MSH4: variants seen among roughly 807,000 people sequenced by gnomAD.
The protein encoded by MSH4 is mutS homolog 4.
In MSH4, 106 loss-of-function variants were observed where a neutral mutation model predicts 113.7. The ratio of observed to expected loss-of-function variants is 0.93; its 90% CI spans 0.80 to 1.10. The LOEUF (loss-of-function observed/expected upper bound fraction) is 1.10. MSH4 is among the 50% of genes least tolerant of loss of function. MSH4 has a pLI of 0.00. For missense variants in MSH4, 1,061 were observed against 1,093.7 expected, an observed-to-expected ratio of 0.97 and a Z score of 0.42; for synonymous variants, 368 against 380.2, an observed-to-expected ratio of 0.97 and a Z score of 0.37.
intron 7 of MSH4, among the ~76,000 whole-genome samples, chr1:75,831,987 G>A (rs970067633): frequency 2.0e-5 from 3 of 152,118 alleles, no homozygotes; most frequent in Non-Finnish European, 4.4e-5. Context: ...AAAAATCAAT[G>A]AATCAAGGAG....
At position 75,803,858 on chromosome 1, in the gene MSH4, T is replaced by G. The variant is rs752571842; in HGVS notation, c.372T>G (p.Thr124=). 3 of 1,597,818 alleles carry G rather than the reference T, an allele frequency of 1.9e-6. No individual in the cohort carries two copies. Among genetic ancestry groups the G allele is most frequent in the East Asian group, 4.6e-5 (2 of 43,822 alleles). Residue 124 remains threonine, a synonymous_variant, in exon 2 of 20, where the codon ACT becomes ACG. Transcript: ENST00000263187. ...AAACACTTAAAACTCCATTGTCTACTGGAAATCCTCAGAGATCAGGTTATA... is the reference window on the plus strand; with the variant it reads ...AAACACTTAAAACTCCATTGTCTACGGGAAATCCTCAGAGATCAGGTTATA... ...YPQTLKTPLS[T]GNPQRSGYKS...
At chr1:75,859,884 G>A (rs1651413747) in intron 8 of MSH4, among the ~76,000 whole-genome samples, 1 of 152,150 alleles carries the variant, frequency 6.6e-6, no homozygotes, top group Non-Finnish European at 1.5e-5. Context: ...CATTATTACT[G>A]TGCAGGAGTC....
Position 75,878,895 on chromosome 1 carries a change from A to T in MSH4, c.1541-97A>T, listed in dbSNP as rs1651871602. ...CCTCCTATTTATGTATAAAATAAGA[A>T]TTTAAAAACCATGTGACTCTTTAAA... On this transcript the variant is annotated intron_variant, in intron 11 of 19. Coordinates refer to ENST00000263187, the MANE Select transcript of MSH4 (RefSeq NM_002440.4). 21 of 1,100,380 alleles carry T rather than the reference A, an allele frequency of 1.9e-5. No homozygotes were observed. In the South Asian group the frequency reaches 3.3e-4, roughly 17 times the overall value. The allele number at this position is 1,100,380 out of a possible 1,614,324, so 68.2% of individuals were successfully genotyped here.
intron 9 of MSH4, among the ~76,000 whole-genome samples, chr1:75,873,748 T>TTATA (rs61020580): frequency 0.028 from 4,148 of 150,410 alleles, 137 homozygotes; most frequent in African/African-American, 0.075. Context: ...GATCTTGTTT[T>TTATA]TATATATATA....
At chr1:75,904,071 T>C (rs767441613) in intron 19 of MSH4, among the ~76,000 whole-genome samples, 2 of 152,210 alleles carry the variant, frequency 1.3e-5, no homozygotes, top group Non-Finnish European at 2.9e-5. Context: ...CGTTTTGTCA[T>C]AAAGGAATGT....
Position 75,878,446 on chromosome 1 carries a change from G to T in MSH4, c.1540+128G>T, listed in dbSNP as rs1651861505. 3 of 722,826 alleles carry T rather than the reference G, an allele frequency of 4.2e-6. No individual in the cohort carries two copies. In the South Asian group the frequency reaches 6.7e-5, roughly 16 times the overall value. 44.8% of individuals were successfully genotyped at this position (722,826 alleles called of 1,614,324 possible). A position where few individuals can be genotyped will look rare whatever the true frequency, so the allele number is the denominator to read the frequency against. On this transcript the variant is annotated intron_variant, in intron 11 of 19. Coordinates refer to ENST00000263187, the MANE Select transcript of MSH4 (RefSeq NM_002440.4). Reference sequence around the variant, plus strand: ...TTATTTTTCGTTACCAAAACATAAGGTTAGCATGTAGTGCCATTTAAGGAA... The same window carrying T: ...TTATTTTTCGTTACCAAAACATAAGTTTAGCATGTAGTGCCATTTAAGGAA...
In MSH4 at chr1:75,797,164, C is replaced by G. The variant is rs5745311; in HGVS notation, c.179C>G (p.Ala60Gly). The G allele has an allele frequency of 1.9e-6, 3 of 1,611,340 alleles. No homozygotes were observed. In the South Asian group the frequency reaches 3.3e-5, roughly 18 times the overall value. Residue 60 changes from alanine to glycine, a missense_variant, in exon 1 of 20, where the codon GCG becomes GGG. By Grantham distance (60) the Ala-to-Gly change is moderately conservative. Coordinates refer to ENST00000263187, the MANE Select transcript of MSH4 (RefSeq NM_002440.4). ...ASTCPGTSGA[A>G]GDRSSSSSSL... Reference sequence around the variant, plus strand: ...ACCTGTCCTGGCACGTCAGGAGCTGCGGGCGACCGGAGCAGCAGCAGCAGC... The same window carrying G: ...ACCTGTCCTGGCACGTCAGGAGCTGGGGGCGACCGGAGCAGCAGCAGCAGC...
At chr1:75,823,556 C>T (rs1050104065) in intron 7 of MSH4, among the ~76,000 whole-genome samples, 5 of 152,080 alleles carry the variant, frequency 3.3e-5, no homozygotes, top group Admixed American at 3.3e-4. Flanking sequence ...TTTGCTGCAC[C>T]TATCAACCCA....
intron 15 of MSH4, among the ~76,000 whole-genome samples, chr1:75,888,045 T>G (rs1652164679): frequency 6.7e-6 from 1 of 150,324 alleles, no homozygotes; most frequent in Non-Finnish European, 1.5e-5. Context: ...ATAAAATATC[T>G]AGTATGTCGA....
intron 7 of MSH4, among the ~76,000 whole-genome samples, chr1:75,842,656 C>T (rs1424141261): frequency 6.6e-6 from 1 of 152,120 alleles, no homozygotes; most frequent in Non-Finnish European, 1.5e-5. Flanking sequence ...GACAAGAGTG[C>T]GAGCCTTCTG....
chr1:75,868,729 G>A (rs1352228312), intron 9 of MSH4, among the ~76,000 whole-genome samples: 1 of 152,126 alleles, frequency 6.6e-6, no homozygotes, highest in African/African-American at 2.4e-5. Context: ...AGGTCTGATG[G>A]TTTTATAAAG....
At chr1:75,807,902 G>C (rs1050691698) in intron 3 of MSH4, among the ~76,000 whole-genome samples, 1 of 152,138 alleles carries the variant, frequency 6.6e-6, no homozygotes, top group African/African-American at 2.4e-5. Context: ...AGCAAATACA[G>C]AAATTGCATT....
intron 1 of MSH4, among the ~76,000 whole-genome samples, chr1:75,800,284 T>G (rs980457476): frequency 1.3e-5 from 2 of 152,182 alleles, no homozygotes; most frequent in African/African-American, 4.8e-5. Flanking sequence ...CACACCTTTG[T>G]AAATATTCTC....
chr1:75,835,984 G>C (rs1329118754), intron 7 of MSH4, among the ~76,000 whole-genome samples: 1 of 152,060 alleles, frequency 6.6e-6, no homozygotes, highest in East Asian at 1.9e-4. Context: ...GCCCACACCT[G>C]GACTCTTTTT....
In MSH4 at chr1:75,815,194, G is replaced by A. The variant is rs1451997811; in HGVS notation, c.815+58G>A. The A allele has an allele frequency of 1.4e-5, 13 of 913,490 alleles. No homozygotes were observed. In the Admixed American group the frequency reaches 3.3e-4, roughly 24 times the overall value. 56.6% of individuals were successfully genotyped at this position (913,490 alleles called of 1,614,324 possible). A position where few individuals can be genotyped will look rare whatever the true frequency, so the allele number is the denominator to read the frequency against. ...CCCACAGCTACCAATATCATATCAA[G>A]TAAGTTATAACTTAAGGAAAGTAAA... On this transcript the variant is annotated intron_variant, in intron 5 of 19. Coordinates refer to ENST00000263187, the MANE Select transcript of MSH4 (RefSeq NM_002440.4).
intron 7 of MSH4, among the ~76,000 whole-genome samples, chr1:75,825,821 A>G (rs1188178206): frequency 2.6e-5 from 4 of 152,248 alleles, no homozygotes; most frequent in Middle Eastern, 3.4e-3. Context: ...AGCCAACTTG[A>G]TTGTGGTGGA....
chr1:75,801,417 A>C (rs1235595667), intron 1 of MSH4, among the ~76,000 whole-genome samples: 1 of 151,844 alleles, frequency 6.6e-6, no homozygotes, highest in African/African-American at 2.4e-5. Flanking sequence ...ATACAAAAAA[A>C]AAATAGCCAG....
At position 75,848,303 on chromosome 1, in the gene MSH4, A is replaced by G. The variant is rs761383969; in HGVS notation, c.1230+27A>G. 26 of 1,395,920 alleles carry G rather than the reference A, an allele frequency of 1.9e-5. No homozygotes were observed. In the East Asian group the frequency reaches 5.7e-4, roughly 31 times the overall value. The allele number at this position is 1,395,920 out of a possible 1,614,324, so 86.5% of individuals were successfully genotyped here. The stretch of plus-strand genomic sequence containing the variant: ...TATGTTTTTGTATACATTTTGTATT[A>G]TATTATTATACATTATTTGATGGAA... On this transcript the variant is annotated intron_variant, in intron 8 of 19. Coordinates refer to ENST00000263187, the MANE Select transcript of MSH4 (RefSeq NM_002440.4).
chr1:75,811,768 A>T lies in MSH4; in HGVS notation c.699+961A>T, dbSNP rs202057693. Among the ~76,000 whole-genome samples, 4 of 152,284 alleles carry T rather than the reference A, an allele frequency of 2.6e-5. No individual in the cohort carries two copies. In the East Asian group the frequency reaches 7.7e-4, roughly 29 times the overall value. On this transcript the variant is annotated intron_variant, in intron 4 of 19. Transcript: ENST00000263187. ...TTTTCAGAATATACTATATTTTGTT[A>T]TGTTTTTAGACTTATCTTTTACTTT...
Sources: allele counts gnomAD v4.1 joint callset (sites outside exome capture counted in the v4.1 genomes callset), GRCh38; gene constraint gnomAD v4.1.1; transcripts MANE v1.5; gene names NCBI Gene and HGNC (gene_info 2026-07-23, HGNC 2026-07-21).